The following CDKAL1 variants were observed in gnomAD, a reference collection of about 807,000 sequenced individuals.
The protein encoded by CDKAL1 is CDKAL1 threonylcarbamoyladenosine tRNA methylthiotransferase.
CDKAL1 carries 32 observed loss-of-function variants against 68.2 expected under a neutral mutation model. That is an observed-to-expected ratio of 0.47 (90% CI 0.35 to 0.63). The LOEUF (loss-of-function observed/expected upper bound fraction) is 0.63, where lower values mean the gene tolerates loss of function less well. Among genes scored for constraint, CDKAL1 ranks in the 30% least tolerant of loss-of-function variants. CDKAL1 has a pLI of 0.00. For missense variants in CDKAL1, 606 were observed against 696.7 expected (o/e 0.87, Z 1.47); for synonymous variants, 234 against 244.3 (o/e 0.96, Z 0.39).
At chr6:21,157,272 A>C (rs1315711020) in intron 13 of CDKAL1, among the ~76,000 whole-genome samples, 1 of 152,192 alleles carries the variant, frequency 6.6e-6, no homozygotes, top group Non-Finnish European at 1.5e-5. Flanking sequence ...TTTCACGATA[A>C]TGGGCAGCCA....
chr6:20,903,167 ACT>A (rs1762085637), intron 9 of CDKAL1, among the ~76,000 whole-genome samples: 1 of 151,910 alleles, frequency 6.6e-6, no homozygotes, highest in African/African-American at 2.4e-5. Flanking sequence ...CTCTCTTCTC[ACT>A]CTCTCTGTCA....
intron 13 of CDKAL1, among the ~76,000 whole-genome samples, chr6:21,167,594 T>C (rs1777204643): frequency 6.6e-6 from 1 of 152,184 alleles, no homozygotes; most frequent in South Asian, 2.1e-4. Flanking sequence ...TCCAAGATTC[T>C]CAGTATTCTA....
chr6:21,030,382 G>C (rs545044975), intron 11 of CDKAL1, among the ~76,000 whole-genome samples: 2 of 152,178 alleles, frequency 1.3e-5, no homozygotes, highest in South Asian at 4.2e-4. Flanking sequence ...ATGCATTCGG[G>C]ACTTAAAACC....
chr6:21,201,129 C>G lies in CDKAL1; in HGVS notation c.1403C>G (p.Pro468Arg), dbSNP rs919189408. 36 of 1,612,720 alleles carry G rather than the reference C, an allele frequency of 2.2e-5. No homozygotes were observed. Among genetic ancestry groups the G allele is most frequent in the Non-Finnish European group, 3.1e-5 (36 of 1,179,062 alleles). Residue 468 changes from proline to arginine, a missense_variant, in exon 15 of 16, where the codon CCT becomes CGT. Transcript: ENST00000274695. ...FYEQVLVPKN[P>R]AFMGKMVEVD... ...TTTAAGGTTTTAGTGCCAAAGAACC[C>G]TGCGTTCATGGGGAAGATGGTTGAA...
At chr6:21,123,371 C>T (rs528679000) in intron 13 of CDKAL1, among the ~76,000 whole-genome samples, 1 of 152,296 alleles carries the variant, frequency 6.6e-6, no homozygotes, top group East Asian at 1.9e-4. Context: ...GGAAGGATCA[C>T]TTGAGCCTGG....
At position 21,011,240 on chromosome 6, in the gene CDKAL1, C is replaced by A; in HGVS notation, c.1055+10868C>A. The stretch of plus-strand genomic sequence containing the variant: ...AAAAAAAATAGACAAAAAAATTAGC[C>A]GGGCGCGGTGGCGGGCACCTGTAGT... On this transcript the variant is annotated intron_variant, in intron 11 of 15. Transcript: ENST00000274695. Among the ~76,000 whole-genome samples, 4 of 133,696 alleles carry A rather than the reference C, an allele frequency of 3.0e-5. No individual in the cohort carries two copies. The Middle Eastern group carries it at 0.021, about 704-fold the overall frequency. The allele number at this position is 133,696 out of a possible 152,430, so 87.7% of individuals were successfully genotyped here.
intron 9 of CDKAL1, among the ~76,000 whole-genome samples, chr6:20,901,024 C>G (rs1280934336): frequency 6.6e-6 from 1 of 152,060 alleles, no homozygotes; most frequent in Non-Finnish European, 1.5e-5. Flanking sequence ...CATTGGAGCT[C>G]ATGTATTATT....
chr6:20,698,284 G>T (rs961695492), intron 5 of CDKAL1, among the ~76,000 whole-genome samples: 1 of 152,082 alleles, frequency 6.6e-6, no homozygotes, highest in Admixed American at 6.5e-5. Context: ...TTGCAAAAAA[G>T]TTGCAAAGAA....
chr6:21,173,272 T>C (rs1777462542), intron 13 of CDKAL1, among the ~76,000 whole-genome samples: 1 of 152,142 alleles, frequency 6.6e-6, no homozygotes, highest in Non-Finnish European at 1.5e-5. Context: ...GTTGTTCCTC[T>C]TTTTCTAAAT....
intron 9 of CDKAL1, among the ~76,000 whole-genome samples, chr6:20,854,474 G>C (rs1759214542): frequency 6.6e-6 from 1 of 152,148 alleles, no homozygotes; most frequent in African/African-American, 2.4e-5. Context: ...TCTGCTAATA[G>C]GCACATGCTT....
intron 13 of CDKAL1, among the ~76,000 whole-genome samples, chr6:21,128,936 A>G (rs1299312550): frequency 6.6e-6 from 1 of 152,232 alleles, no homozygotes; most frequent in Non-Finnish European, 1.5e-5. Flanking sequence ...GACAGTTTTC[A>G]ATGGAGGTGC....
At chr6:20,607,402 A>G (rs1766379416) in intron 4 of CDKAL1, among the ~76,000 whole-genome samples, 1 of 152,228 alleles carries the variant, frequency 6.6e-6, no homozygotes, top group South Asian at 2.1e-4. Flanking sequence ...ACTATCATAG[A>G]TTTTTATATC....
intron 11 of CDKAL1, among the ~76,000 whole-genome samples, chr6:21,026,707 G>A (rs1415388315): frequency 6.6e-6 from 1 of 152,154 alleles, no homozygotes; most frequent in Non-Finnish European, 1.5e-5. Flanking sequence ...ATTGTAGAGT[G>A]TAATGGAGAC....
At chr6:20,945,741 A>C (rs1213142306) in intron 9 of CDKAL1, among the ~76,000 whole-genome samples, 1 of 152,196 alleles carries the variant, frequency 6.6e-6, no homozygotes, top group Non-Finnish European at 1.5e-5. Context: ...AAAGACAAGC[A>C]CCACTTTCTT....
At chr6:21,229,614 G>T (rs2151131509) in intron 15 of CDKAL1, among the ~76,000 whole-genome samples, 1 of 152,296 alleles carries the variant, frequency 6.6e-6, no homozygotes, top group African/African-American at 2.4e-5. Context: ...GTGCTTCTGT[G>T]GATTTCCTGT....
intron 13 of CDKAL1, among the ~76,000 whole-genome samples, chr6:21,148,590 T>C (rs1409125975): frequency 6.6e-6 from 1 of 152,200 alleles, no homozygotes; most frequent in African/African-American, 2.4e-5. Context: ...TATTTTATCC[T>C]ATTTTTTTAA....
At chr6:20,943,780 A>T (rs76616429) in intron 9 of CDKAL1, among the ~76,000 whole-genome samples, 6 of 144,004 alleles carry the variant, frequency 4.2e-5, no homozygotes, top group South Asian at 2.2e-4. Flanking sequence ...ATTGATTGAT[A>T]TTTTTTTTTT....
chr6:20,774,299 C>A (rs952898595), intron 7 of CDKAL1, among the ~76,000 whole-genome samples: 1 of 152,198 alleles, frequency 6.6e-6, no homozygotes, highest in Non-Finnish European at 1.5e-5. Flanking sequence ...GTATGTGCAA[C>A]CCACTTTAGA....
chr6:20,595,912 C>G (rs934326576), intron 4 of CDKAL1, among the ~76,000 whole-genome samples: 1 of 152,206 alleles, frequency 6.6e-6, no homozygotes, highest in Non-Finnish European at 1.5e-5. Flanking sequence ...GTTAATTTTC[C>G]TTCTAACAGT....
Sources: gnomAD v4.1 joint callset for allele counts (sites outside exome capture counted in the v4.1 genomes callset) on GRCh38, gnomAD v4.1.1 for gene constraint, MANE v1.5 for transcripts, NCBI Gene and HGNC (gene_info 2026-07-23, HGNC 2026-07-21) for gene names.